The following CFAP299 variants were observed in gnomAD, a reference collection of about 807,000 sequenced individuals.
The protein encoded by CFAP299 is cilia- and flagella-associated protein 299.
Under a neutral mutation model 27.0 loss-of-function variants are expected in CFAP299, and 21 were observed. That is an observed-to-expected ratio of 0.78 (90% confidence interval 0.55 to 1.12). The LOEUF is 1.12. Ranked by LOEUF, CFAP299 falls within the 50% of genes most tolerant of loss-of-function variation. The pLI, the probability that CFAP299 is intolerant of heterozygous loss-of-function variation, is 0.00. For synonymous variants in CFAP299, 104 were observed against 98.1 expected, an observed-to-expected ratio of 1.06 and a Z score of -0.36; for missense variants, 310 against 276.6, an observed-to-expected ratio of 1.12 and a Z score of -0.86.
chr4:80,767,544 G>A (rs201561939), intron 3 of CFAP299, among the ~76,000 whole-genome samples: 1 of 152,188 alleles, frequency 6.6e-6, no homozygotes, highest in East Asian at 1.9e-4. Flanking sequence ...AGGAGGCGGA[G>A]CTTGCAGTGA....
chr4:80,386,519 G>C lies in CFAP299; in HGVS notation c.242+23635G>C, dbSNP rs200362259. 1,074 of 1,567,940 alleles carry C rather than the reference G, an allele frequency of 6.8e-4. 3 individuals are homozygous for C. In the African/African-American group the frequency reaches 0.01, roughly 15 times the overall value. ...TCTTCTCGCGGGCGGTGGTGGGGGG[G>C]GGGGGTGCCGCCGGGTTTGCAGGTC... is the stretch of plus-strand genomic sequence containing the variant. On this transcript the variant is annotated intron_variant, in intron 2 of 5. Transcript: ENST00000358105.
chr4:80,711,971 A>G (rs1722201047), intron 3 of CFAP299, among the ~76,000 whole-genome samples: 1 of 152,268 alleles, frequency 6.6e-6, no homozygotes, highest in Middle Eastern at 3.4e-3. Context: ...CTTTGCTTGC[A>G]TTTCTAAAAT....
At chr4:80,614,100 A>T (rs368568435) in intron 3 of CFAP299, among the ~76,000 whole-genome samples, 1 of 152,152 alleles carries the variant, frequency 6.6e-6, no homozygotes, top group Non-Finnish European at 1.5e-5. Context: ...CCAGTTTTGT[A>T]TTCCCCTTTT....
At chr4:80,461,665 G>A (rs9790791) in intron 2 of CFAP299, among the ~76,000 whole-genome samples, 1 of 152,062 alleles carries the variant, frequency 6.6e-6, no homozygotes, top group Non-Finnish European at 1.5e-5. Flanking sequence ...CTTGGCTAAG[G>A]GAGTGGTCCA....
At chr4:80,326,092 C>T in the CFAP299 span, among the ~76,000 whole-genome samples, 7 of 152,022 alleles carry the variant, frequency 4.6e-5, no homozygotes, top group Non-Finnish European at 7.4e-5. Context: ...CTGCAACTGT[C>T]GATATTAGAT....
intron 3 of CFAP299, among the ~76,000 whole-genome samples, chr4:80,714,584 A>G (rs952542880): frequency 6.6e-6 from 1 of 152,132 alleles, no homozygotes; most frequent in Non-Finnish European, 1.5e-5. Flanking sequence ...TCAAATTTCT[A>G]ACTCTGAAAC....
At chr4:80,408,020 A>G (rs1294973625) in intron 2 of CFAP299, among the ~76,000 whole-genome samples, 1 of 152,210 alleles carries the variant, frequency 6.6e-6, no homozygotes, top group East Asian at 1.9e-4. Context: ...TCTGTTGAAT[A>G]TACTACCATA....
chr4:80,364,001 G>C (rs1020059076), intron 2 of CFAP299, among the ~76,000 whole-genome samples: 1 of 151,496 alleles, frequency 6.6e-6, no homozygotes. Context: ...GCAGGAGAAT[G>C]ACGTGAACCC....
At chr4:80,501,476 T>G (rs1731739126) in intron 2 of CFAP299, among the ~76,000 whole-genome samples, 1 of 147,622 alleles carries the variant, frequency 6.8e-6, no homozygotes. Flanking sequence ...TTTATAATTA[T>G]ACATTTTTAT....
At chr4:80,789,974 C>T (rs747786250) in intron 3 of CFAP299, among the ~76,000 whole-genome samples, 37 of 151,876 alleles carry the variant, frequency 2.4e-4, no homozygotes, top group Non-Finnish European at 4.1e-4. Flanking sequence ...ATTTTCTTAC[C>T]TTAGTAGGAA....
At chr4:80,689,146 A>T (rs1333056423) in intron 3 of CFAP299, among the ~76,000 whole-genome samples, 4 of 152,186 alleles carry the variant, frequency 2.6e-5, no homozygotes, top group African/African-American at 7.2e-5. Context: ...GAACTTCCCC[A>T]ATCTAGCAAG....
intron 3 of CFAP299, among the ~76,000 whole-genome samples, chr4:80,601,650 T>A (rs2109901672): frequency 6.6e-6 from 1 of 152,324 alleles, no homozygotes; most frequent in Admixed American, 6.5e-5. Flanking sequence ...AAGTTTGTTG[T>A]GTATAGTGGA....
chr4:80,945,060 C>T (rs1323553107), intron 5 of CFAP299, 121 bp downstream of exon 5: 2 of 944,694 alleles, frequency 2.1e-6, no homozygotes, highest in Admixed American at 2.4e-5. Flanking sequence ...AAGGAAATAA[C>T]ATTTTGAAAC....
chr4:80,336,356 A>G (rs1722141256), intron 1 of CFAP299, among the ~76,000 whole-genome samples: 1 of 152,240 alleles, frequency 6.6e-6, no homozygotes, highest in Non-Finnish European at 1.5e-5. Flanking sequence ...GTTTGGGTTC[A>G]TGAACTTCCA....
intron 3 of CFAP299, among the ~76,000 whole-genome samples, chr4:80,674,996 A>T (rs1719342694): frequency 6.6e-6 from 1 of 151,444 alleles, no homozygotes; most frequent in Non-Finnish European, 1.5e-5. Flanking sequence ...GAAGTTTGTT[A>T]TTACCGACCT....
chr4:80,832,752 A>G (rs1312082621), intron 3 of CFAP299, among the ~76,000 whole-genome samples: 3 of 152,118 alleles, frequency 2.0e-5, no homozygotes, highest in Non-Finnish European at 1.5e-5. Context: ...TTACATACAT[A>G]TAAGTTGTGA....
At chr4:80,912,436 C>G (rs1322456838) in intron 4 of CFAP299, among the ~76,000 whole-genome samples, 1 of 152,130 alleles carries the variant, frequency 6.6e-6, no homozygotes. Flanking sequence ...CTCACCATAT[C>G]AATGAGTCAT....
chr4:80,499,438 A>G (rs1213942224), intron 2 of CFAP299, among the ~76,000 whole-genome samples: 5 of 152,058 alleles, frequency 3.3e-5, no homozygotes, highest in African/African-American at 7.2e-5. Context: ...ACTGACAGAT[A>G]TTTTTTCCAT....
chr4:80,617,896 A>G (rs899793010), intron 3 of CFAP299, among the ~76,000 whole-genome samples: 3 of 152,148 alleles, frequency 2.0e-5, no homozygotes, highest in Non-Finnish European at 4.4e-5. Context: ...CACCTGAGTA[A>G]TTACAATTTA....
Sources: gnomAD v4.1 joint callset for allele counts (sites outside exome capture counted in the v4.1 genomes callset) on GRCh38, gnomAD v4.1.1 for gene constraint, MANE v1.5 for transcripts, NCBI Gene and HGNC (gene_info 2026-07-23, HGNC 2026-07-21) for gene names.